MAPKAP1: variants seen among roughly 807,000 people sequenced by gnomAD.
The protein encoded by MAPKAP1 is MAPK associated protein 1, also known as target of rapamycin complex 2 subunit MAPKAP1.
In MAPKAP1, 20 loss-of-function variants were observed where a neutral mutation model predicts 65.7. That is an observed-to-expected ratio of 0.30 (90% CI 0.21 to 0.44). The LOEUF is 0.44. Ranked by LOEUF, MAPKAP1 falls within the 20% of genes least tolerant of loss-of-function variation. MAPKAP1 has a pLI of 1.00. For synonymous variants in MAPKAP1, 222 were observed against 244.3 expected, an observed-to-expected ratio of 0.91 and a Z score of 0.85; for missense variants, 423 against 648.0, an observed-to-expected ratio of 0.65 and a Z score of 3.77.
chr9:125,480,761 A>T (rs1854278361), intron 9 of MAPKAP1, among the ~76,000 whole-genome samples: 1 of 151,970 alleles, frequency 6.6e-6, no homozygotes, highest in Non-Finnish European at 1.5e-5. Context: ...TCACAAGGTC[A>T]GGAGATCGAG....
intron 4 of MAPKAP1, among the ~76,000 whole-genome samples, chr9:125,654,316 G>A (rs530593547): frequency 1.3e-5 from 2 of 152,150 alleles, no homozygotes; most frequent in African/African-American, 2.4e-5. Context: ...CAGAGGTTCC[G>A]TTCTCAACAA....
In MAPKAP1 at chr9:125,484,596, A is replaced by G. The variant is rs1252087909; in HGVS notation, c.1067-13T>C. 6.2e-7 allele frequency: 1 copy of G among 1,603,356 alleles called. No individual in the cohort carries two copies. On this transcript the variant is annotated splice_polypyrimidine_tract_variant and intron_variant, in intron 8 of 11. Coordinates refer to ENST00000265960, the MANE Select transcript of MAPKAP1 (RefSeq NM_001006617.3). ...TCTGCCCTTGAACCTGGGGAGGAAA[A>G]GGCAGTTTAACACATAAAGATACAT... is the stretch of plus-strand genomic sequence containing the variant.
intron 4 of MAPKAP1, among the ~76,000 whole-genome samples, chr9:125,609,069 T>C (rs146618328): frequency 1.3e-3 from 201 of 152,342 alleles, no homozygotes; most frequent in African/African-American, 4.7e-3. Flanking sequence ...ATGCTTATAC[T>C]ACCTGAAACA....
intron 1 of MAPKAP1, among the ~76,000 whole-genome samples, chr9:125,681,672 T>G (rs574671279): frequency 1.3e-5 from 2 of 152,346 alleles, no homozygotes; most frequent in East Asian, 1.9e-4. Flanking sequence ...AATCAAGGTA[T>G]GAGACAACCT....
intron 1 of MAPKAP1, among the ~76,000 whole-genome samples, chr9:125,693,564 T>A (rs984517666): frequency 6.7e-6 from 1 of 149,490 alleles, no homozygotes; most frequent in Non-Finnish European, 1.5e-5. Flanking sequence ...CACACACATA[T>A]ATACATACAC....
chr9:125,639,974 G>A (rs904506268), intron 4 of MAPKAP1, among the ~76,000 whole-genome samples: 9 of 152,134 alleles, frequency 5.9e-5, no homozygotes, highest in African/African-American at 2.2e-4. Context: ...CTCAGTCAAA[G>A]ATTCCAGCCA....
At chr9:125,483,335 A>C (rs775908072) in intron 9 of MAPKAP1, among the ~76,000 whole-genome samples, 1 of 152,218 alleles carries the variant, frequency 6.6e-6, no homozygotes, top group Non-Finnish European at 1.5e-5. Context: ...TTAATCACTA[A>C]GCTGTATTGT....
intron 4 of MAPKAP1, among the ~76,000 whole-genome samples, chr9:125,642,360 G>A (rs541050342): frequency 5.3e-5 from 8 of 152,270 alleles, no homozygotes; most frequent in Non-Finnish European, 1.2e-4. Context: ...GGTGGACACA[G>A]GAGAATAAAA....
At chr9:125,644,708 G>C (rs1277175774) in intron 4 of MAPKAP1, among the ~76,000 whole-genome samples, 1 of 152,074 alleles carries the variant, frequency 6.6e-6, no homozygotes, top group East Asian at 1.9e-4. Context: ...AATTACTATT[G>C]GAAACTGGTT....
chr9:125,529,712 G>C (rs1829880600), intron 7 of MAPKAP1, among the ~76,000 whole-genome samples: 1 of 151,548 alleles, frequency 6.6e-6, no homozygotes, highest in South Asian at 2.1e-4. Flanking sequence ...TGACACAGTA[G>C]AATCTACACA....
intron 7 of MAPKAP1, among the ~76,000 whole-genome samples, chr9:125,527,679 C>T (rs527780452): frequency 6.6e-6 from 1 of 152,222 alleles, no homozygotes; most frequent in African/African-American, 2.4e-5. Context: ...TTTTCTTTTT[C>T]TGCAATACAG....
intron 4 of MAPKAP1, among the ~76,000 whole-genome samples, chr9:125,586,779 T>C (rs967654610): frequency 1.6e-4 from 24 of 152,106 alleles, no homozygotes; most frequent in African/African-American, 5.8e-4. Context: ...ACACAGAGTA[T>C]ATAGAAAAGT....
intron 1 of MAPKAP1, among the ~76,000 whole-genome samples, chr9:125,689,583 C>CTA (rs1554843816): frequency 2.7e-5 from 4 of 146,700 alleles, no homozygotes; most frequent in East Asian, 2.0e-4. Flanking sequence ...CTCATCTCTA[C>CTA]AAAAAATTAG....
chr9:125,525,305 C>CATT (rs932412861), intron 7 of MAPKAP1, among the ~76,000 whole-genome samples: 9 of 152,132 alleles, frequency 5.9e-5, no homozygotes, highest in Non-Finnish European at 1.0e-4. Context: ...ATGAAGAAGA[C>CATT]ATTATTATTA....
intron 1 of MAPKAP1, among the ~76,000 whole-genome samples, chr9:125,687,186 G>T (rs905905980): frequency 1.3e-5 from 2 of 151,204 alleles, no homozygotes; most frequent in African/African-American, 4.9e-5. Context: ...AAGAGTTAAA[G>T]GTGATAAACA....
intron 5 of MAPKAP1, among the ~76,000 whole-genome samples, chr9:125,564,909 T>C (rs1831002555): frequency 6.6e-6 from 1 of 152,030 alleles, no homozygotes; most frequent in Non-Finnish European, 1.5e-5. Context: ...AATGAACAAG[T>C]ACAGGATAAC....
chr9:125,681,007 T>C (rs1487454110), intron 1 of MAPKAP1, among the ~76,000 whole-genome samples: 1 of 152,234 alleles, frequency 6.6e-6, no homozygotes, highest in Non-Finnish European at 1.5e-5. Flanking sequence ...TCACTTTTCA[T>C]GTAACAACAT....
intron 7 of MAPKAP1, among the ~76,000 whole-genome samples, chr9:125,526,425 T>C (rs1485583544): frequency 6.6e-6 from 1 of 152,246 alleles, no homozygotes; most frequent in African/African-American, 2.4e-5. Flanking sequence ...GGACAGAGTA[T>C]CCAGCTAATA....
At chr9:125,666,251 T>C (rs761377750) in intron 3 of MAPKAP1, among the ~76,000 whole-genome samples, 1 of 152,196 alleles carries the variant, frequency 6.6e-6, no homozygotes, top group Non-Finnish European at 1.5e-5. Context: ...TCATGGCACA[T>C]GGATCAGTAA....
Sources: gnomAD v4.1 joint callset for allele counts (sites outside exome capture counted in the v4.1 genomes callset) on GRCh38, gnomAD v4.1.1 for gene constraint, MANE v1.5 for transcripts, NCBI Gene and HGNC (gene_info 2026-07-23, HGNC 2026-07-21) for gene names.